RARB: variants seen among roughly 807,000 people sequenced by gnomAD.
RARB encodes HBV-activated protein.
Under a neutral mutation model 51.9 loss-of-function variants are expected in RARB, and 17 were observed. That is an observed-to-expected ratio of 0.33 (90% CI 0.22 to 0.49). The LOEUF is 0.49. Among genes scored for constraint, RARB ranks in the 20% least tolerant of loss-of-function variants. RARB has a pLI of 0.99. For missense variants in RARB, 369 were observed against 550.8 expected (o/e 0.67, Z 3.30); for synonymous variants, 215 against 195.4 (o/e 1.10, Z -0.84).
chr3:25,107,325 C>T (rs1699526295), intron 3 of RARB, among the ~76,000 whole-genome samples: 1 of 152,194 alleles, frequency 6.6e-6, no homozygotes, highest in Non-Finnish European at 1.5e-5. Context: ...TACTACAGAA[C>T]ATCTAGACTC....
At chr3:25,273,030 AT>A (rs1703290154) in intron 5 of RARB, among the ~76,000 whole-genome samples, 1 of 152,110 alleles carries the variant, frequency 6.6e-6, no homozygotes, top group Non-Finnish European at 1.5e-5. Context: ...ATTCATTTGC[AT>A]TTTACATTCC....
chr3:25,208,780 C>G (rs1417472515), intron 5 of RARB, among the ~76,000 whole-genome samples: 1 of 152,142 alleles, frequency 6.6e-6, no homozygotes, highest in Admixed American at 6.6e-5. Flanking sequence ...AAGTTCCCAG[C>G]TGCTGAGCTT....
At chr3:25,100,090 AT>A (rs1340006387) in intron 3 of RARB, among the ~76,000 whole-genome samples, 1 of 152,158 alleles carries the variant, frequency 6.6e-6, no homozygotes, top group Non-Finnish European at 1.5e-5. Context: ...CAAAGTGCTC[AT>A]TCATTCATTC....
chr3:25,337,655 C>T (rs1278148653), intron 5 of RARB, among the ~76,000 whole-genome samples: 2 of 152,254 alleles, frequency 1.3e-5, no homozygotes, highest in East Asian at 3.9e-4. Flanking sequence ...TCTTCAGACA[C>T]CACCTCCTTA....
chr3:25,421,508 T>C (rs140303743), intron 5 of RARB, among the ~76,000 whole-genome samples: 9,353 of 146,274 alleles, frequency 0.064, 396 homozygotes, highest in Admixed American at 0.11. Flanking sequence ...ACCTCCCAGG[T>C]TCAAGCAATT....
intron 5 of RARB, among the ~76,000 whole-genome samples, chr3:25,186,510 A>G (rs968199638): frequency 2.0e-5 from 3 of 152,144 alleles, no homozygotes; most frequent in Non-Finnish European, 4.4e-5. Flanking sequence ...AGCACTGGTC[A>G]TAGATTATAA....
chr3:24,836,483 C>T (rs1052550390), intron 1 of RARB, among the ~76,000 whole-genome samples: 3 of 152,184 alleles, frequency 2.0e-5, no homozygotes, highest in African/African-American at 7.2e-5. Context: ...ACCCTTGCCT[C>T]ACATAATAGC....
intron 3 of RARB, among the ~76,000 whole-genome samples, chr3:25,082,827 A>G (rs958439940): frequency 2.6e-5 from 4 of 152,082 alleles, no homozygotes; most frequent in Non-Finnish European, 5.9e-5. Context: ...TAATTCTAAT[A>G]TTGTGCAAGT....
intron 2 of RARB, among the ~76,000 whole-genome samples, chr3:25,490,881 G>A (rs1696700019): frequency 6.6e-6 from 1 of 152,154 alleles, no homozygotes; most frequent in Admixed American, 6.5e-5. Context: ...CAAATTCTCA[G>A]AACCAGATTT....
intron 3 of RARB, among the ~76,000 whole-genome samples, chr3:25,526,420 G>T (rs1698649768): frequency 6.6e-6 from 1 of 152,174 alleles, no homozygotes; most frequent in African/African-American, 2.4e-5. Flanking sequence ...TATACTGATT[G>T]TGTATTCTAC....
intron 2 of RARB, among the ~76,000 whole-genome samples, chr3:25,049,373 G>A (rs1250516472): frequency 6.6e-6 from 1 of 152,158 alleles, no homozygotes; most frequent in African/African-American, 2.4e-5. Context: ...GCCAAGTATC[G>A]ATTTAGGGTT....
rs144627489 is a variant in RARB, at chr3:25,004,923, C to G, written c.-379-55202C>G. On this transcript the variant is annotated intron_variant, in intron 2 of 11. Transcript: ENST00000383772. ...CTTGGTTATTTTGAATTCTAATTCT[C>G]CATTCCTGTTCCTTTCAGCAGCTTT... Among the ~76,000 whole-genome samples, 72 of 152,210 alleles carry G rather than the reference C, an allele frequency of 4.7e-4. 3 individuals carry two copies. The East Asian group carries it at 0.014, about 29-fold the overall frequency.
intron 1 of RARB, among the ~76,000 whole-genome samples, chr3:25,432,966 A>G (rs1280710602): frequency 2.0e-5 from 3 of 152,206 alleles, no homozygotes; most frequent in African/African-American, 4.8e-5. Context: ...AGAATCTTCT[A>G]TACAGTTTGA....
chr3:24,952,215 AAAACAAAC>A (rs754683989), intron 2 of RARB, among the ~76,000 whole-genome samples: 1 of 151,044 alleles, frequency 6.6e-6, no homozygotes, highest in African/African-American at 2.4e-5. Context: ...CTATTTAAAC[AAAACAAAC>A]AAACAAACAA....
At chr3:25,114,434 A>G (rs1277860464) in intron 3 of RARB, among the ~76,000 whole-genome samples, 4 of 152,188 alleles carry the variant, frequency 2.6e-5, no homozygotes, top group African/African-American at 9.7e-5. Context: ...GAGTTAAAAC[A>G]TTTATTTTAG....
At chr3:25,156,035 C>T (rs1248097926) in intron 4 of RARB, among the ~76,000 whole-genome samples, 4 of 152,056 alleles carry the variant, frequency 2.6e-5, no homozygotes, top group African/African-American at 9.7e-5. Flanking sequence ...GATTTTTTGC[C>T]TGGCAATTTT....
intron 5 of RARB, among the ~76,000 whole-genome samples, chr3:25,262,644 A>T (rs972353248): frequency 2.0e-5 from 3 of 152,042 alleles, no homozygotes; most frequent in South Asian, 2.1e-4. Context: ...AATCTGATCT[A>T]TTGTTCTGCT....
chr3:25,254,798 T>A (rs1702821084), intron 5 of RARB, among the ~76,000 whole-genome samples: 1 of 152,052 alleles, frequency 6.6e-6, no homozygotes, highest in Non-Finnish European at 1.5e-5. Context: ...GTGATGATAT[T>A]TGGACGGATA....
intron 2 of RARB, among the ~76,000 whole-genome samples, chr3:24,901,852 T>C (rs1214581113): frequency 6.6e-6 from 1 of 152,114 alleles, no homozygotes; most frequent in Non-Finnish European, 1.5e-5. Flanking sequence ...TTATTGAGCA[T>C]TTACTATACC....
Sources: allele counts gnomAD v4.1 joint callset (sites outside exome capture counted in the v4.1 genomes callset), GRCh38; gene constraint gnomAD v4.1.1; transcripts MANE v1.5; gene names NCBI Gene and HGNC (gene_info 2026-07-23, HGNC 2026-07-21).